The following MAN1B1 variants were observed in gnomAD, a reference collection of about 807,000 sequenced individuals.
MAN1B1 encodes mannosidase alpha class 1B member 1, also known as endoplasmic reticulum mannosyl-oligosaccharide 1,2-alpha-mannosidase.
In MAN1B1, 66 loss-of-function variants were observed where a neutral mutation model predicts 75.5. That is an observed-to-expected ratio of 0.87 (90% CI 0.72 to 1.07). The LOEUF is 1.07. Ranked by LOEUF, MAN1B1 falls within the 50% of genes least tolerant of loss-of-function variation. The probability of loss-of-function intolerance (pLI) is 0.00; values close to 1 mark genes in which losing one functional copy is unlikely to be tolerated. For missense variants in MAN1B1, 973 were observed against 912.5 expected (o/e 1.07, Z -0.85); for synonymous variants, 453 against 382.8 (o/e 1.18, Z -2.14).
intron 5 of MAN1B1, 91 bp downstream of exon 5, chr9:137,098,028 C>T (rs1830703776): frequency 8.4e-6 from 8 of 955,090 alleles, no homozygotes; most frequent in South Asian, 2.8e-5. Flanking sequence ...GTGGGTGGCG[C>T]CCCCGCCCTG....
At chr9:137,106,544 C>T in intron 9 of MAN1B1, 145 bp from the exon 10 acceptor site, 3 of 1,329,734 alleles carry the variant, frequency 2.3e-6, no homozygotes, top group Non-Finnish European at 3.2e-6. Context: ...TCACTGAGGG[C>T]CATGGGCTGT....
At chr9:137,107,832 T>C in intron 12 of MAN1B1, 170 bp downstream of exon 12, 1 of 828,300 alleles carries the variant, frequency 1.2e-6, no homozygotes, top group Non-Finnish European at 2.0e-6. Flanking sequence ...GGCCCTGGCA[T>C]CCCCATCCCC....
intron 6 of MAN1B1, among the ~76,000 whole-genome samples, chr9:137,100,503 A>G (rs948501790): frequency 6.6e-6 from 1 of 152,126 alleles, no homozygotes; most frequent in Non-Finnish European, 1.5e-5. Context: ...AACGCCCCAG[A>G]CATGGGTTTG....
At chr9:137,087,429 C>T (rs780943846) in intron 1 of MAN1B1, 2 of 720,180 alleles carry the variant, frequency 2.8e-6, no homozygotes, top group South Asian at 3.0e-5. Flanking sequence ...CCAAATTCTG[C>T]GGGGCGGTGG....
At chr9:137,088,630 A>C (rs1474195129) in intron 2 of MAN1B1, 1 of 689,530 alleles carries the variant, frequency 1.5e-6, no homozygotes, top group East Asian at 3.0e-5. Context: ...AACGTCCCTG[A>C]ATGGAAAATA....
intron 5 of MAN1B1, among the ~76,000 whole-genome samples, 165 bp from the exon 6 acceptor site, chr9:137,099,531 T>C (rs954508980): frequency 2.6e-5 from 4 of 152,250 alleles, no homozygotes; most frequent in Non-Finnish European, 4.4e-5. Flanking sequence ...CTGCAGCCTC[T>C]GTGGCCCTGG....
intron 2 of MAN1B1, 52 bp from the exon 3 acceptor site, chr9:137,088,817 T>A: frequency 6.2e-7 from 1 of 1,606,294 alleles, no homozygotes; most frequent in Non-Finnish European, 8.5e-7. Context: ...GCAGTTTAAA[T>A]CTCTTGTAGG....
At chr9:137,101,829 C>T (rs889547106) in intron 8 of MAN1B1, 157 bp downstream of exon 8, 14 of 937,762 alleles carry the variant, frequency 1.5e-5, no homozygotes, top group South Asian at 8.4e-5. Flanking sequence ...CATTTCCAGG[C>T]GTGGTCGGTG....
chr9:137,090,765 CT>C (rs1284785531), intron 3 of MAN1B1, among the ~76,000 whole-genome samples: 5 of 152,108 alleles, frequency 3.3e-5, no homozygotes, highest in African/African-American at 1.2e-4. Flanking sequence ...TCTCGAACTC[CT>C]GACCTCTTGA....
intron 8 of MAN1B1, chr9:137,103,824 T>C (rs1157066807): frequency 2.2e-6 from 1 of 450,630 alleles, no homozygotes; most frequent in African/African-American, 2.1e-5. Context: ...GTTGCAGGCT[T>C]GCAGGTCGGT....
At chr9:137,104,262 G>A in intron 8 of MAN1B1, 1 of 361,516 alleles carries the variant, frequency 2.8e-6, no homozygotes, top group Non-Finnish European at 5.4e-6. Flanking sequence ...TTGAGACAGA[G>A]TCTCATTCTG....
intron 1 of MAN1B1, among the ~76,000 whole-genome samples, chr9:137,087,764 C>T (rs1377737117): frequency 1.3e-5 from 2 of 152,220 alleles, no homozygotes; most frequent in Admixed American, 6.5e-5. Context: ...TTATCCTCGT[C>T]TCATCTGCAC....
chr9:137,101,292 G>T, intron 7 of MAN1B1, 139 bp downstream of exon 7: 2 of 1,231,440 alleles, frequency 1.6e-6, no homozygotes, highest in Middle Eastern at 2.7e-4. Context: ...GCTCATATTC[G>T]TGAGCTGATG....
At chr9:137,104,028 G>A (rs4880206) in intron 8 of MAN1B1, 133,572 of 457,048 alleles carry the variant, frequency 0.29, 22,096 homozygotes, top group Non-Finnish European at 0.36. Context: ...CAGGAGTACA[G>A]GTCAGTGGTG....
At chr9:137,100,603 A>G (rs1393506896) in intron 6 of MAN1B1, among the ~76,000 whole-genome samples, 29 of 152,066 alleles carry the variant, frequency 1.9e-4, no homozygotes, top group Non-Finnish European at 4.1e-4. Flanking sequence ...GCTCATTGCA[A>G]CCTTGGCCTC....
At position 137,108,609 on chromosome 9, in the gene MAN1B1, G is replaced by A. The variant is rs1351991599; in HGVS notation, c.*18G>A. 1.2e-6 allele frequency: 2 copies of A among 1,612,788 alleles called. No individual in the cohort carries two copies. The highest frequency in any genetic ancestry group is 2.2e-5 in the East Asian group (1 of 44,902). ...CTGCCTAGGGTGGATGGCTGCTGGT[G>A]TGGGGACTTCGGGTGGGCAGAGGCA... On this transcript the variant is annotated 3_prime_UTR_variant, in exon 13 of 13. Transcript: ENST00000371589.
intron 6 of MAN1B1, among the ~76,000 whole-genome samples, chr9:137,100,290 A>T (rs1360226040): frequency 6.6e-6 from 1 of 152,182 alleles, no homozygotes; most frequent in Non-Finnish European, 1.5e-5. Flanking sequence ...GCGATAATTT[A>T]AACATTTGCC....
At chr9:137,106,656 C>G in intron 9 of MAN1B1, 33 bp from the exon 10 acceptor site, 1 of 1,612,922 alleles carries the variant, frequency 6.2e-7, no homozygotes, top group Non-Finnish European at 8.5e-7. Flanking sequence ...ATGCACCGTC[C>G]TGGTAGAGTG....
chr9:137,106,954 C>A, intron 10 of MAN1B1, 145 bp downstream of exon 10: 2 of 1,214,764 alleles, frequency 1.6e-6, no homozygotes, highest in Non-Finnish European at 2.3e-6. Context: ...CTGGCCAGGC[C>A]TGTCTTGGCA....
Sources: allele counts gnomAD v4.1 joint callset (sites outside exome capture counted in the v4.1 genomes callset), GRCh38; gene constraint gnomAD v4.1.1; transcripts MANE v1.5; gene names NCBI Gene and HGNC (gene_info 2026-07-23, HGNC 2026-07-21).